RELB: variants seen among roughly 807,000 people sequenced by gnomAD.
The protein encoded by RELB is transcription factor RelB.
A neutral mutation model predicts 55.4 loss-of-function variants in RELB; 14 were observed. The ratio of observed to expected loss-of-function variants is 0.25; its 90% CI spans 0.17 to 0.40. The LOEUF (loss-of-function observed/expected upper bound fraction) is 0.40, where lower values mean the gene tolerates loss of function less well. RELB is among the 10% of genes least tolerant of loss of function. The pLI is 1.00. For synonymous variants in RELB, 409 were observed against 371.3 expected, an observed-to-expected ratio of 1.10 and a Z score of -1.17; for missense variants, 669 against 830.7, an observed-to-expected ratio of 0.81 and a Z score of 2.39.
intron 4 of RELB, among the ~76,000 whole-genome samples, chr19:45,020,949 C>A (rs1490834587): frequency 6.6e-6 from 1 of 152,136 alleles, no homozygotes; most frequent in African/African-American, 2.4e-5. Flanking sequence ...CCAAGGCAGG[C>A]AGATCGCTTG....
intron 4 of RELB, among the ~76,000 whole-genome samples, chr19:45,014,168 C>CTTTTTTTTTT (rs113601074): frequency 9.4e-4 from 119 of 126,782 alleles, no homozygotes; most frequent in African/African-American, 3.5e-3. Flanking sequence ...ATTTCTAAGG[C>CTTTTTTTTTT]TTTTTTTTTT....
chr19:45,024,397 C>G (rs1229991092), intron 5 of RELB, among the ~76,000 whole-genome samples: 1 of 148,512 alleles, frequency 6.7e-6, no homozygotes, highest in Non-Finnish European at 1.5e-5. Context: ...CTCCTGACCT[C>G]CTGATCTGCC....
rs1472903261 is a variant in RELB, at chr19:45,022,163, CG to C, written c.617del (p.Gly206AlafsTer25). 1 of 1,612,256 alleles carries C rather than the reference CG, an allele frequency of 6.2e-7. No homozygotes were observed. The highest frequency in any genetic ancestry group is 1.7e-5 in the Admixed American group (1 of 59,966). ...GCCTCGTGGGGAAAGACTGCACCGA[CG>C]GCATCTGCAGGGTGCGGCTCCGGCC... is the stretch of plus-strand genomic sequence containing the variant. The part of the protein sequence containing the change: ...HSLVGKDCTD[G>X]ICRVRLRPHV... On this transcript the variant is annotated frameshift_variant, in exon 5 of 12. Transcript: ENST00000221452. LOFTEE classifies it high-confidence loss of function.
At chr19:45,034,604 C>G in intron 11 of RELB, 76 bp downstream of exon 11, 1 of 1,284,934 alleles carries the variant, frequency 7.8e-7, no homozygotes, top group Non-Finnish European at 1.1e-6. Flanking sequence ...TTTCTGGCCT[C>G]TTCACGCCCT....
chr19:45,003,600 G>A (rs1037478692), intron 2 of RELB: 1 of 518,556 alleles, frequency 1.9e-6, no homozygotes, highest in Non-Finnish European at 3.8e-6. Flanking sequence ...GGGCTTTGGA[G>A]CTGGGGTTTA....
At position 45,011,929 on chromosome 19, in the gene RELB, C is replaced by T. The variant is rs749463038; in HGVS notation, c.164-7C>T. The T allele has an allele frequency of 1.1e-5, 17 of 1,497,096 alleles. No individual in the cohort carries two copies. The East Asian group carries it at 2.6e-4, about 23-fold the overall frequency. 92.7% of individuals were successfully genotyped at this position (1,497,096 alleles called of 1,614,324 possible). A position where few individuals can be genotyped will look rare whatever the true frequency, so the allele number is the denominator to read the frequency against. ...GGCGTCACCACCCGTTTTTTCTTCT[C>T]CCGCAGAGATCATCGACGAGTACAT... On this transcript the variant is annotated splice_polypyrimidine_tract_variant and splice_region_variant and intron_variant, in intron 3 of 11. Transcript: ENST00000221452.
intron 2 of RELB, among the ~76,000 whole-genome samples, chr19:45,008,164 C>T (rs570727912): frequency 2.1e-4 from 31 of 151,008 alleles, no homozygotes; most frequent in Middle Eastern, 3.4e-3. Context: ...AGCAAGACTC[C>T]GTCTCAAAAA....
At chr19:45,037,039 G>A (rs1051579541) in intron 11 of RELB, among the ~76,000 whole-genome samples, 2 of 152,166 alleles carry the variant, frequency 1.3e-5, no homozygotes, top group African/African-American at 4.8e-5. Flanking sequence ...AGCACTTTGG[G>A]AGGCCGAAGC....
rs886305149 is a variant in RELB at position 45,003,144 on chromosome 19, C to T, written c.154+148C>T. 6.6e-6 allele frequency: 5 copies of T among 762,032 alleles called. No individual in the cohort carries two copies. In the Admixed American group the frequency reaches 7.7e-5, roughly 12 times the overall value. The allele number at this position is 762,032 out of a possible 1,614,324, so 47.2% of individuals were successfully genotyped here. ...ATCCCTCCCTGCCAGTTGAGATGGGCCCCCTAGGTTTTCTTACCTCTTGGA... is the reference window on the plus strand; with the variant it reads ...ATCCCTCCCTGCCAGTTGAGATGGGTCCCCTAGGTTTTCTTACCTCTTGGA... On this transcript the variant is annotated intron_variant, in intron 2 of 11. Coordinates refer to ENST00000221452, the MANE Select transcript of RELB (RefSeq NM_006509.4).
rs1413862268 is a variant in RELB at position 45,001,593 on chromosome 19, G to A, written c.14G>A (p.Gly5Glu). Residue 5 changes from glycine to glutamate, a missense_variant, in exon 1 of 12, where the codon GGG (glycine) becomes GAG (glutamate). Physicochemically the swap from Gly to Glu is moderately conservative, Grantham distance 98 (BLOSUM62 -2). Transcript: ENST00000221452. ...CGGCCCGCGTGCATGCTTCGGTCTG[G>A]GCCAGCCTCTGGGCCGTCCGTCCCC... MLRS[G>E]PASGPSVPTG... The A allele has an allele frequency of 2.0e-6, 3 of 1,497,026 alleles. No homozygotes were observed. Among genetic ancestry groups the A allele is most frequent in the Non-Finnish European group, 2.7e-6 (3 of 1,129,914 alleles). 92.7% of individuals were successfully genotyped at this position (1,497,026 alleles called of 1,614,324 possible). A position where few individuals can be genotyped will look rare whatever the true frequency, so the allele number is the denominator to read the frequency against.
At chr19:45,016,835 C>A (rs537497066) in intron 4 of RELB, among the ~76,000 whole-genome samples, 2 of 151,824 alleles carry the variant, frequency 1.3e-5, no homozygotes, top group African/African-American at 4.9e-5. Context: ...CCAGCCTGTG[C>A]GAGATCCTGT....
chr19:45,029,588 G>T (rs1449284870), intron 8 of RELB, among the ~76,000 whole-genome samples: 2 of 151,870 alleles, frequency 1.3e-5, no homozygotes, highest in East Asian at 3.9e-4. Context: ...AGTGGCTCAT[G>T]CCTGCAATCC....
chr19:45,019,766 C>G (rs942393743), intron 4 of RELB, among the ~76,000 whole-genome samples: 31 of 151,874 alleles, frequency 2.0e-4, no homozygotes, highest in African/African-American at 7.5e-4. Context: ...CAACCTCCAT[C>G]TCCAGGGTTC....
At position 45,023,740 on chromosome 19, in the gene RELB, CTTTTTTTTT is replaced by C. The variant is rs1168078618; in HGVS notation, c.662+1550_662+1558del. On this transcript the variant is annotated intron_variant, in intron 5 of 11. Coordinates refer to ENST00000221452, the MANE Select transcript of RELB (RefSeq NM_006509.4). Reference sequence around the variant, plus strand: ...GGTGTGAGCCCACTGTGCCCAGCCTCTTTTTTTTTTTTTTTTTTTTTTTTTTTTGAGACC... The same window carrying C: ...GGTGTGAGCCCACTGTGCCCAGCCTCTTTTTTTTTTTTTTTTTTTGAGACC... Among the ~76,000 whole-genome samples, 215 of 38,390 alleles carry C rather than the reference CTTTTTTTTT, an allele frequency of 5.6e-3. 1 individual carries two copies. The highest frequency in any genetic ancestry group is 0.01 in the African/African-American group (104 of 9,990). 25.2% of individuals were successfully genotyped at this position (38,390 alleles called of 152,430 possible).
chr19:45,026,888 C>A (rs1971564631), intron 7 of RELB, among the ~76,000 whole-genome samples: 1 of 152,132 alleles, frequency 6.6e-6, no homozygotes, highest in African/African-American at 2.4e-5. Context: ...CTGTAAGCAT[C>A]AAAATGGGAT....
In RELB at chr19:45,034,433, ATC is replaced by A. The variant is rs765988196; in HGVS notation, c.1277-14_1277-13del. 4 of 1,611,456 alleles carry A rather than the reference ATC, an allele frequency of 2.5e-6. No homozygotes were observed. The highest frequency in any genetic ancestry group is 1.3e-5 in the African/African-American group (1 of 74,852). ...GGGCTGTCGGGGAACAGGGGTCCTCATCTCTGCCTTCCCTCAGACCCCCATGG... is the reference window on the plus strand; with the variant it reads ...GGGCTGTCGGGGAACAGGGGTCCTCATCTGCCTTCCCTCAGACCCCCATGG... On this transcript the variant is annotated splice_polypyrimidine_tract_variant and intron_variant, in intron 10 of 11. Coordinates refer to ENST00000221452, the MANE Select transcript of RELB (RefSeq NM_006509.4).
rs368731996 is a variant in RELB, at chr19:45,011,872, CTTT to C, written c.164-51_164-49del. The C allele has an allele frequency of 8.9e-3, 7,055 of 794,320 alleles. 61 individuals are homozygous for C. The highest frequency in any genetic ancestry group is 0.025 in the South Asian group (950 of 37,416). The allele number at this position is 794,320 out of a possible 1,614,324, so 49.2% of individuals were successfully genotyped here. A position where few individuals can be genotyped will look rare whatever the true frequency, so the allele number is the denominator to read the frequency against. The stretch of plus-strand genomic sequence containing the variant: ...GAAAACGTCTCGGGGGTAATCAAGC[CTTT>C]TTTTTTTTTTTTAATTTTTTAAAGA... On this transcript the variant is annotated intron_variant, in intron 3 of 11. Coordinates refer to ENST00000221452, the MANE Select transcript of RELB (RefSeq NM_006509.4).
At chr19:45,014,792 T>C (rs1971402956) in intron 4 of RELB, among the ~76,000 whole-genome samples, 1 of 152,118 alleles carries the variant, frequency 6.6e-6, no homozygotes, top group African/African-American at 2.4e-5. Flanking sequence ...GTGCTGGGAT[T>C]ACAGGTGTGA....
At chr19:45,023,652 A>T (rs1352735729) in intron 5 of RELB, among the ~76,000 whole-genome samples, 1 of 141,050 alleles carries the variant, frequency 7.1e-6, no homozygotes, top group Non-Finnish European at 1.5e-5. Flanking sequence ...GTTAGCCAGG[A>T]TGGTTACCAT....
Sources: allele counts gnomAD v4.1 joint callset (sites outside exome capture counted in the v4.1 genomes callset), GRCh38; gene constraint gnomAD v4.1.1; transcripts MANE v1.5; gene names NCBI Gene and HGNC (gene_info 2026-07-23, HGNC 2026-07-21).